THSD7B: variants seen among roughly 807,000 people sequenced by gnomAD.
The protein encoded by THSD7B is thrombospondin type 1 domain containing 7B.
Under a neutral mutation model 213.6 loss-of-function variants are expected in THSD7B, and 138 were observed. That is an observed-to-expected ratio of 0.65 (90% confidence interval 0.56 to 0.74). THSD7B has a LOEUF of 0.74. THSD7B is among the 30% of genes least tolerant of loss of function. The pLI is 0.00. For missense variants in THSD7B, 1,931 were observed against 1,991.5 expected (o/e 0.97, Z 0.58); for synonymous variants, 742 against 687.0 (o/e 1.08, Z -1.25).
chr2:136,780,624 T>A (rs1476597087), intron 1 of THSD7B, among the ~76,000 whole-genome samples: 1 of 152,220 alleles, frequency 6.6e-6, no homozygotes, highest in Non-Finnish European at 1.5e-5. Flanking sequence ...TGTACGGAAC[T>A]TCCCCCTCCC....
chr2:136,971,217 C>T (rs535263184), intron 2 of THSD7B, among the ~76,000 whole-genome samples: 5 of 152,012 alleles, frequency 3.3e-5, no homozygotes, highest in Non-Finnish European at 7.4e-5. Context: ...AAACGAGTAC[C>T]CATGAAGGGT....
intron 4 of THSD7B, among the ~76,000 whole-genome samples, chr2:137,102,242 C>A (rs1300705156): frequency 1.3e-5 from 2 of 152,092 alleles, no homozygotes; most frequent in Non-Finnish European, 2.9e-5. Flanking sequence ...GATACCCAGG[C>A]AAACAGAGCC....
chr2:137,240,362 T>A (rs998498339), intron 9 of THSD7B, among the ~76,000 whole-genome samples: 20 of 152,248 alleles, frequency 1.3e-4, no homozygotes, highest in African/African-American at 4.8e-4. Context: ...TTTATAATTA[T>A]GTAAGTTGAT....
At chr2:137,409,374 CATT>C (rs1455123234) in intron 13 of THSD7B, among the ~76,000 whole-genome samples, 2 of 152,196 alleles carry the variant, frequency 1.3e-5, no homozygotes, top group Non-Finnish European at 2.9e-5. Flanking sequence ...ATACCTTTGT[CATT>C]AATCAGATAT....
intron 3 of THSD7B, among the ~76,000 whole-genome samples, chr2:137,086,499 A>C (rs1687844576): frequency 1.3e-5 from 2 of 152,088 alleles, no homozygotes; most frequent in Non-Finnish European, 2.9e-5. Context: ...TCCCTCTTAT[A>C]AAGATGCTGT....
At chr2:137,260,083 T>C (rs1031502807) in intron 10 of THSD7B, among the ~76,000 whole-genome samples, 6 of 152,126 alleles carry the variant, frequency 3.9e-5, no homozygotes, top group African/African-American at 9.7e-5. Flanking sequence ...AATGCTATTT[T>C]AGGCATGGAT....
chr2:137,388,955 G>A (rs1300104650), intron 12 of THSD7B, among the ~76,000 whole-genome samples: 1 of 151,770 alleles, frequency 6.6e-6, no homozygotes, highest in Non-Finnish European at 1.5e-5. Flanking sequence ...TTGCAATTAT[G>A]AATATTGCTG....
At chr2:137,498,125 G>T (rs879877812) in intron 15 of THSD7B, among the ~76,000 whole-genome samples, 4 of 152,084 alleles carry the variant, frequency 2.6e-5, no homozygotes, top group Non-Finnish European at 5.9e-5. Context: ...AATAAATTTG[G>T]TGATTTCTAG....
chr2:136,965,814 A>G (rs926768136), intron 2 of THSD7B, among the ~76,000 whole-genome samples: 1 of 150,888 alleles, frequency 6.6e-6, no homozygotes, highest in Non-Finnish European at 1.5e-5. Context: ...ATTTTATTTT[A>G]TTTTCAGTTT....
At chr2:137,392,026 T>A (rs1177623424) in intron 12 of THSD7B, among the ~76,000 whole-genome samples, 1 of 152,232 alleles carries the variant, frequency 6.6e-6, no homozygotes, top group Admixed American at 6.5e-5. Flanking sequence ...AATATGTTGT[T>A]TAATTGCCAT....
chr2:137,146,721 C>G (rs551404597), intron 5 of THSD7B, among the ~76,000 whole-genome samples: 85 of 151,972 alleles, frequency 5.6e-4, no homozygotes, highest in Non-Finnish European at 9.4e-4. Context: ...ACATATAGCA[C>G]ATATGCAGAT....
intron 12 of THSD7B, among the ~76,000 whole-genome samples, chr2:137,376,898 CAGAAAGCATCTCATCGTT>C (rs1685668815): frequency 1.3e-5 from 2 of 152,094 alleles, no homozygotes; most frequent in Admixed American, 6.6e-5. Context: ...TTGGAAATAT[CAGAAAGCATCTCATCGTT>C]AGCTTTCATC....
At chr2:137,462,521 C>T (rs1178333275) in intron 15 of THSD7B, among the ~76,000 whole-genome samples, 1 of 151,978 alleles carries the variant, frequency 6.6e-6, no homozygotes, top group Non-Finnish European at 1.5e-5. Flanking sequence ...TCATGACGAA[C>T]AACTTTTGTA....
chr2:137,351,467 C>T (rs949521339), intron 12 of THSD7B, among the ~76,000 whole-genome samples: 24 of 151,896 alleles, frequency 1.6e-4, no homozygotes, highest in Admixed American at 1.6e-3. Flanking sequence ...ACCCAATGGT[C>T]CATGCATGCA....
intron 12 of THSD7B, among the ~76,000 whole-genome samples, chr2:137,327,905 TA>T (rs541360605): frequency 1.3e-3 from 191 of 152,256 alleles, no homozygotes; most frequent in African/African-American, 4.4e-3. Flanking sequence ...TTGTGAAAGG[TA>T]TGCTGACATT....
chr2:137,018,446 A>G (rs994858883), intron 2 of THSD7B, among the ~76,000 whole-genome samples: 1 of 152,218 alleles, frequency 6.6e-6, no homozygotes, highest in Non-Finnish European at 1.5e-5. Flanking sequence ...TAATCTCTGG[A>G]AAGGTACATA....
At chr2:137,275,011 T>A (rs1215159796) in intron 11 of THSD7B, among the ~76,000 whole-genome samples, 1 of 152,054 alleles carries the variant, frequency 6.6e-6, no homozygotes, top group Non-Finnish European at 1.5e-5. Context: ...CTGGCTCATA[T>A]GAAAAGGGTT....
chr2:136,962,538 T>C (rs1365190080), intron 2 of THSD7B, among the ~76,000 whole-genome samples: 1 of 149,100 alleles, frequency 6.7e-6, no homozygotes, highest in Non-Finnish European at 1.5e-5. Flanking sequence ...CTATTGTGTG[T>C]GGGTGGAAAG....
intron 2 of THSD7B, among the ~76,000 whole-genome samples, chr2:136,994,489 C>T (rs1685845273): frequency 1.3e-5 from 2 of 152,136 alleles, no homozygotes; most frequent in Non-Finnish European, 1.5e-5. Context: ...ATGGCATGAA[C>T]CCGGGAGGCG....
Sources: gnomAD v4.1 joint callset for allele counts (sites outside exome capture counted in the v4.1 genomes callset) on GRCh38, gnomAD v4.1.1 for gene constraint, MANE v1.5 for transcripts, NCBI Gene and HGNC (gene_info 2026-07-23, HGNC 2026-07-21) for gene names.